Variants in SP100 observed in about 807,000 individuals in gnomAD.
SP100 encodes nuclear autoantigen Sp-100.
In SP100, 84 loss-of-function variants were observed where a neutral mutation model predicts 130.0. The observed-to-expected ratio is 0.65, with a 90% CI of 0.54 to 0.77. SP100 has a LOEUF of 0.77. SP100 is among the 30% of genes least tolerant of loss of function. SP100 has a pLI of 0.00. For synonymous variants in SP100, 331 were observed against 351.7 expected, an observed-to-expected ratio of 0.94 and a Z score of 0.66; for missense variants, 978 against 1,052.2, an observed-to-expected ratio of 0.93 and a Z score of 0.97.
intron 2 of SP100, 35 bp downstream of exon 2, chr2:230,417,700 G>T: frequency 6.3e-7 from 1 of 1,593,018 alleles, no homozygotes; most frequent in Non-Finnish European, 8.5e-7. Flanking sequence ...GTTTTAATTT[G>T]TATTTTCCTT....
intron 17 of SP100, among the ~76,000 whole-genome samples, chr2:230,487,929 T>G (rs2066191459): frequency 6.6e-6 from 1 of 152,150 alleles, no homozygotes; most frequent in African/African-American, 2.4e-5. Flanking sequence ...TCCTAGGTAT[T>G]TTATTATCTT....
intron 8 of SP100, among the ~76,000 whole-genome samples, chr2:230,457,343 G>A (rs909732896): frequency 2.0e-5 from 3 of 152,290 alleles, no homozygotes; most frequent in East Asian, 1.9e-4. Flanking sequence ...TTTGGCACTC[G>A]GTCTGGTCTG....
chr2:230,437,782 T>C (rs2063338430), intron 2 of SP100, among the ~76,000 whole-genome samples: 1 of 152,082 alleles, frequency 6.6e-6, no homozygotes. Flanking sequence ...GGTCTTGAAC[T>C]CCTGACCTCG....
intron 8 of SP100, among the ~76,000 whole-genome samples, chr2:230,451,689 G>C (rs1022678232): frequency 4.6e-5 from 7 of 152,164 alleles, no homozygotes; most frequent in African/African-American, 1.7e-4. Context: ...TGTGCTTCTG[G>C]TGTTATACCC....
At chr2:230,517,835 A>G (rs1446312958) in intron 24 of SP100, among the ~76,000 whole-genome samples, 1 of 152,170 alleles carries the variant, frequency 6.6e-6, no homozygotes, top group Non-Finnish European at 1.5e-5. Context: ...TTTTATTAAA[A>G]GCAAAGCAAT....
At chr2:230,464,544 A>G (rs2064835266) in intron 11 of SP100, among the ~76,000 whole-genome samples, 1 of 152,154 alleles carries the variant, frequency 6.6e-6, no homozygotes, top group African/African-American at 2.4e-5. Flanking sequence ...ATTGATAATT[A>G]TTGTCTTAAT....
In SP100 at chr2:230,469,860, G is replaced by T. The variant is rs1338731355; in HGVS notation, c.1346-155G>T. The stretch of plus-strand genomic sequence containing the variant: ...GCTCCTGGAGCAATCTTGACCAACA[G>T]GTCAGATGATCAAAGCCAAAGGGTG... On this transcript the variant is annotated intron_variant, in intron 14 of 28. Coordinates refer to ENST00000340126, the MANE Select transcript of SP100 (RefSeq NM_001080391.2). 9 of 1,510,952 alleles carry T rather than the reference G, an allele frequency of 6.0e-6. No homozygotes were observed. In the East Asian group the frequency reaches 2.1e-4, roughly 35 times the overall value. 93.6% of individuals were successfully genotyped at this position (1,510,952 alleles called of 1,614,324 possible). A position where few individuals can be genotyped will look rare whatever the true frequency, so the allele number is the denominator to read the frequency against.
intron 2 of SP100, among the ~76,000 whole-genome samples, chr2:230,428,850 CCCAACA>C (rs2063016679): frequency 6.6e-6 from 1 of 152,194 alleles, no homozygotes; most frequent in Non-Finnish European, 1.5e-5. Context: ...AGGGCCCTCC[CCCAACA>C]CTGGGGATTA....
At chr2:230,510,989 AG>A in intron 23 of SP100, 135 bp from the exon 24 acceptor site, 1 of 705,542 alleles carries the variant, frequency 1.4e-6, no homozygotes, top group South Asian at 1.6e-5. Context: ...TTAGATGTAC[AG>A]GTCCATAAAA....
At chr2:230,536,722 C>T (rs1356573731) in intron 24 of SP100, among the ~76,000 whole-genome samples, 2 of 106,908 alleles carry the variant, frequency 1.9e-5, no homozygotes, top group Non-Finnish European at 4.6e-5. Context: ...GATCTCTCAT[C>T]CCCTTGGCTG....
chr2:230,477,220 T>A (rs1248150033), intron 17 of SP100, among the ~76,000 whole-genome samples: 3 of 152,144 alleles, frequency 2.0e-5, no homozygotes, highest in Non-Finnish European at 4.4e-5. Context: ...AATATAGAAC[T>A]CTTAAATATT....
intron 17 of SP100, among the ~76,000 whole-genome samples, chr2:230,481,733 A>T (rs547283554): frequency 6.6e-6 from 1 of 152,210 alleles, no homozygotes; most frequent in African/African-American, 2.4e-5. Context: ...CCTATGAAGC[A>T]TTACAAAGGC....
chr2:230,450,483 T>G (rs906988987), intron 8 of SP100, among the ~76,000 whole-genome samples: 1 of 152,254 alleles, frequency 6.6e-6, no homozygotes, highest in Non-Finnish European at 1.5e-5. Flanking sequence ...CTTATCATTT[T>G]TGTGGTGATA....
intron 13 of SP100, among the ~76,000 whole-genome samples, chr2:230,468,276 A>T (rs2065062186): frequency 6.6e-6 from 1 of 152,232 alleles, no homozygotes; most frequent in South Asian, 2.1e-4. Flanking sequence ...TCAAAGTTCA[A>T]AAAATGTTTT....
At chr2:230,522,476 C>CTTT (rs750389091) in intron 24 of SP100, among the ~76,000 whole-genome samples, 8,947 of 81,666 alleles carry the variant, frequency 0.11, 1,650 homozygotes, top group Middle Eastern at 0.23. Context: ...CCCCAGTGTT[C>CTTT]TTTTTTTTTT....
intron 8 of SP100, among the ~76,000 whole-genome samples, chr2:230,455,243 T>C (rs2064214456): frequency 6.6e-6 from 1 of 152,076 alleles, no homozygotes; most frequent in South Asian, 2.1e-4. Flanking sequence ...TTTTAGTTAT[T>C]TATAGAGACA....
At chr2:230,535,906 CAAAAAAAA>C (rs34684038) in intron 24 of SP100, among the ~76,000 whole-genome samples, 1 of 47,572 alleles carries the variant, frequency 2.1e-5, no homozygotes, top group African/African-American at 1.1e-4. Flanking sequence ...GACTCCATCT[CAAAAAAAA>C]AAAAAAAAAA....
rs752192058 is a variant in SP100 at position 230,498,494 on chromosome 2, C to T, written c.1679C>T (p.Thr560Ile). The change falls in exon 19 of 29, where the codon ACT (threonine) becomes ATT (isoleucine). Residue 560 changes from threonine (T) to isoleucine (I), a missense_variant. Physicochemically the swap from Thr to Ile is moderately conservative, Grantham distance 89. Coordinates refer to ENST00000340126, the MANE Select transcript of SP100 (RefSeq NM_001080391.2). ...AAAGACAGACCTAGAAAACATTTAA[C>T]TCTGAATAACAAAGTCCAAAAGAAA... ...RKKDRPRKHL[T>I]LNNKVQKKRW... 1.3e-5 allele frequency: 19 copies of T among 1,505,826 alleles called. No individual in the cohort carries two copies. The highest frequency in any genetic ancestry group is 1.7e-5 in the Non-Finnish European group (19 of 1,134,882). 93.3% of individuals were successfully genotyped at this position (1,505,826 alleles called of 1,614,324 possible).
Position 230,464,090 on chromosome 2 carries a change from G to A in SP100, c.1081G>A (p.Glu361Lys). The A allele has an allele frequency of 4.3e-6, 7 of 1,612,828 alleles. No individual in the cohort carries two copies. The highest frequency in any genetic ancestry group is 5.9e-6 in the Non-Finnish European group (7 of 1,178,940). The change falls in exon 11 of 29, where the codon GAA becomes AAA. Residue 361 changes from glutamate to lysine, a missense_variant. Physicochemically the swap from Glu to Lys is moderately conservative, Grantham distance 56 (BLOSUM62 1). Coordinates refer to ENST00000340126, the MANE Select transcript of SP100 (RefSeq NM_001080391.2). Reference protein sequence around the residue: ...EPVINNDNPLESNDEKEGQEA... With the variant: ...EPVINNDNPLKSNDEKEGQEA... ...AGTGATCAATAATGACAACCCTTTA[G>A]AATCAAATGATGAAAAGGAGGGCCA...
Sources: gnomAD v4.1 joint callset for allele counts (sites outside exome capture counted in the v4.1 genomes callset) on GRCh38, gnomAD v4.1.1 for gene constraint, MANE v1.5 for transcripts, NCBI Gene and HGNC (gene_info 2026-07-23, HGNC 2026-07-21) for gene names.